Variants in STK3 observed in about 807,000 individuals in gnomAD.
STK3 encodes the protein serine/threonine-protein kinase 3.
Under a neutral mutation model 58.0 loss-of-function variants are expected in STK3, and 41 were observed. The ratio of observed to expected loss-of-function variants is 0.71; its 90% confidence interval spans 0.55 to 0.92. The LOEUF (loss-of-function observed/expected upper bound fraction) is 0.92. Ranked by LOEUF, STK3 falls within the 40% of genes least tolerant of loss-of-function variation. The probability of loss-of-function intolerance (pLI) is 0.00; values close to 1 mark genes in which losing one functional copy is unlikely to be tolerated. For missense variants in STK3, 479 were observed against 602.7 expected (o/e 0.79, Z 2.15); for synonymous variants, 170 against 191.0 (o/e 0.89, Z 0.91).
intron 1 of STK3, among the ~76,000 whole-genome samples, chr8:98,442,813 C>T (rs1818745185): frequency 6.6e-6 from 1 of 152,172 alleles, no homozygotes; most frequent in Non-Finnish European, 1.5e-5. Context: ...TTTTTATCTT[C>T]TCAACACCTC....
intron 8 of STK3, among the ~76,000 whole-genome samples, chr8:98,566,580 A>G (rs1353085066): frequency 6.6e-6 from 1 of 152,088 alleles, no homozygotes; most frequent in Admixed American, 6.6e-5. Context: ...AAAAAATTTG[A>G]TCTACATTAT....
chr8:98,483,941 C>T (rs1302907080), intron 10 of STK3, among the ~76,000 whole-genome samples: 4 of 151,998 alleles, frequency 2.6e-5, no homozygotes, highest in Non-Finnish European at 1.5e-5. Context: ...AGGACAGTCT[C>T]CAAAAAGCTA....
intron 3 of STK3, among the ~76,000 whole-genome samples, chr8:98,751,933 C>A (rs951024563): frequency 2.6e-5 from 4 of 151,762 alleles, no homozygotes; most frequent in African/African-American, 9.7e-5. Context: ...GAGCAAGACT[C>A]CATCTCAAAA....
intron 3 of STK3, among the ~76,000 whole-genome samples, chr8:98,832,034 T>A (rs1835548894): frequency 6.6e-6 from 1 of 152,160 alleles, no homozygotes; most frequent in Non-Finnish European, 1.5e-5. Context: ...TACTTCCATT[T>A]CTTGTTGTTG....
chr8:98,851,206 G>T (rs1836456319), intron 3 of STK3, among the ~76,000 whole-genome samples: 1 of 152,128 alleles, frequency 6.6e-6, no homozygotes, highest in Non-Finnish European at 1.5e-5. Flanking sequence ...ATGAGGACAG[G>T]GAGTCATCTA....
intron 6 of STK3, among the ~76,000 whole-genome samples, chr8:98,685,138 A>G (rs572606469): frequency 9.2e-5 from 14 of 152,320 alleles, no homozygotes; most frequent in African/African-American, 3.4e-4. Flanking sequence ...GAAATATTGC[A>G]TTTGTCAGTA....
intron 10 of STK3, among the ~76,000 whole-genome samples, chr8:98,517,135 C>T (rs1307139172): frequency 6.6e-6 from 1 of 151,980 alleles, no homozygotes; most frequent in East Asian, 1.9e-4. Flanking sequence ...TTCCAAAATA[C>T]TTTCATCTGC....
intron 1 of STK3, among the ~76,000 whole-genome samples, chr8:98,801,769 A>C (rs1015096528): frequency 6.6e-6 from 1 of 152,108 alleles, no homozygotes; most frequent in Non-Finnish European, 1.5e-5. Context: ...GAACCCACCA[A>C]TTCCAGACAC....
intron 10 of STK3, among the ~76,000 whole-genome samples, chr8:98,467,651 T>C (rs1820587246): frequency 6.6e-6 from 1 of 152,220 alleles, no homozygotes; most frequent in African/African-American, 2.4e-5. Flanking sequence ...TTTTTCAGCA[T>C]GTTTAATTAA....
chr8:98,416,210 A>T (rs967903918), intron 3 of STK3, among the ~76,000 whole-genome samples: 25 of 152,312 alleles, frequency 1.6e-4, no homozygotes, highest in African/African-American at 6.0e-4. Context: ...TCATCCTTCC[A>T]TATGCCCAGA....
rs757602152 is a variant in STK3, at chr8:98,428,371, A to C, written n.483+5756T>G. ...TACCATGGCCGCAAAGTAGAGCCCG[A>C]GCAGGAGAAGTGGGACGAGCAGAGT... On this transcript the variant is annotated intron_variant and non_coding_transcript_variant, in intron 3 of 3. Coordinates refer to the STK3 transcript ENST00000517832. This position sits in a 1 kb window ranked among gnomAD's most constrained non-coding sequence, Gnocchi z 6.7. The C allele has an allele frequency of 6.2e-7, 1 of 1,614,014 alleles. No individual in the cohort carries two copies. Among genetic ancestry groups the C allele is most frequent in the African/African-American group, 1.3e-5 (1 of 74,896 alleles).
At chr8:98,661,303 CAT>C (rs1415732532) in intron 6 of STK3, among the ~76,000 whole-genome samples, 1 of 152,090 alleles carries the variant, frequency 6.6e-6, no homozygotes, top group East Asian at 1.9e-4. Flanking sequence ...CTATCCCTCA[CAT>C]GTCATAGGCA....
chr8:98,826,334 T>C (rs1332381740), upstream of STK3, among the ~76,000 whole-genome samples: 1 of 152,254 alleles, frequency 6.6e-6, no homozygotes, highest in Non-Finnish European at 1.5e-5. Flanking sequence ...TAGGCCACAG[T>C]ACTAGGGATA....
At chr8:98,565,167 C>T (rs1469683619) in intron 8 of STK3, among the ~76,000 whole-genome samples, 3 of 152,118 alleles carry the variant, frequency 2.0e-5, no homozygotes, top group Non-Finnish European at 2.9e-5. Flanking sequence ...CCAGGCCACA[C>T]ATTGGAATCT....
At chr8:98,629,329 C>T (rs1430644225) in intron 6 of STK3, among the ~76,000 whole-genome samples, 1 of 152,158 alleles carries the variant, frequency 6.6e-6, no homozygotes, top group Non-Finnish European at 1.5e-5. Flanking sequence ...ATACATGGAA[C>T]CCTAGTACAG....
At position 98,902,507 on chromosome 8, in the gene STK3, G is replaced by A. The variant is rs182232808; in HGVS notation, c.-78-18673C>T. On this transcript the variant is annotated intron_variant, in intron 1 of 1. Coordinates refer to the STK3 transcript ENST00000519420. ...GTTCAAGCATACCTGAGACCTAGAAGTCATCTTTGATTCATCCTCTTCCCT... is the reference window on the plus strand; with the variant it reads ...GTTCAAGCATACCTGAGACCTAGAAATCATCTTTGATTCATCCTCTTCCCT... 1.9e-3 allele frequency among the ~76,000 whole-genome samples: 292 copies of A among 152,266 alleles called. No individual in the cohort carries two copies. In the Middle Eastern group the frequency reaches 0.02, roughly 11 times the overall value.
chr8:98,754,202 T>C (rs1275622001), intron 3 of STK3, among the ~76,000 whole-genome samples: 1 of 152,182 alleles, frequency 6.6e-6, no homozygotes, highest in African/African-American at 2.4e-5. Context: ...AGAAAAGTGC[T>C]TGTTTACAAA....
At chr8:98,406,002 C>T (rs1300741550) in intron 3 of STK3, among the ~76,000 whole-genome samples, 3 of 152,208 alleles carry the variant, frequency 2.0e-5, no homozygotes, top group East Asian at 3.9e-4. Context: ...ATAAGGTGAC[C>T]CAGGTCAGTG....
chr8:98,642,531 A>T (rs1294303905), intron 6 of STK3, among the ~76,000 whole-genome samples: 1 of 151,986 alleles, frequency 6.6e-6, no homozygotes, highest in Non-Finnish European at 1.5e-5. Context: ...AGAGTGGGAG[A>T]GATTGTATAA....
Sources: allele counts gnomAD v4.1 joint callset (sites outside exome capture counted in the v4.1 genomes callset), GRCh38; gene constraint gnomAD v4.1.1; non-coding constraint Gnocchi (gnomAD v3.1); transcripts MANE v1.5; gene names NCBI Gene and HGNC (gene_info 2026-07-23, HGNC 2026-07-21).